Variants in DOK6 observed in about 807,000 individuals in gnomAD.
DOK6 encodes docking protein 6.
Under a neutral mutation model 44.0 loss-of-function variants are expected in DOK6, and 22 were observed. The observed-to-expected ratio is 0.50, with a 90% CI of 0.36 to 0.71. The LOEUF (loss-of-function observed/expected upper bound fraction) is 0.71, where lower values mean the gene tolerates loss of function less well. DOK6 is among the 30% of genes least tolerant of loss of function. The pLI is 0.00. For missense variants in DOK6, 340 were observed against 416.4 expected (o/e 0.82, Z 1.60); for synonymous variants, 166 against 145.5 (o/e 1.14, Z -1.01).
At chr18:69,711,123 A>G (rs1599278066) in intron 5 of DOK6, among the ~76,000 whole-genome samples, 1 of 152,344 alleles carries the variant, frequency 6.6e-6, no homozygotes, top group East Asian at 1.9e-4. Context: ...GGCACCTGGA[A>G]CACCGGCTTT....
chr18:69,563,593 T>A (rs1243124585), intron 1 of DOK6, among the ~76,000 whole-genome samples: 2 of 134,884 alleles, frequency 1.5e-5, no homozygotes, highest in Admixed American at 1.8e-4. Flanking sequence ...TAGGTGGGAA[T>A]TGAACAATGA....
intron 5 of DOK6, among the ~76,000 whole-genome samples, chr18:69,734,042 TTC>T (rs1317744457): frequency 3.3e-5 from 5 of 152,120 alleles, no homozygotes; most frequent in Admixed American, 6.5e-5. Context: ...CCCTTCTCCT[TTC>T]TGAGTTTATG....
intron 2 of DOK6, among the ~76,000 whole-genome samples, chr18:69,569,271 T>C (rs1419138382): frequency 1.3e-5 from 2 of 151,932 alleles, no homozygotes; most frequent in East Asian, 1.9e-4. Flanking sequence ...AGAATGAGAG[T>C]GTGGCTGACA....
At chr18:69,639,369 C>T (rs921762421) in intron 3 of DOK6, among the ~76,000 whole-genome samples, 9 of 152,186 alleles carry the variant, frequency 5.9e-5, no homozygotes, top group Admixed American at 1.3e-4. Context: ...CAAGAGTCCA[C>T]ACTTGATAAG....
intron 1 of DOK6, among the ~76,000 whole-genome samples, chr18:69,489,614 A>G (rs1980679267): frequency 6.6e-6 from 1 of 152,210 alleles, no homozygotes; most frequent in African/African-American, 2.4e-5. Flanking sequence ...TCACATTGGC[A>G]TTACTATTTT....
intron 1 of DOK6, among the ~76,000 whole-genome samples, chr18:69,523,076 G>A (rs1214825221): frequency 1.3e-5 from 2 of 152,062 alleles, no homozygotes; most frequent in Non-Finnish European, 2.9e-5. Context: ...GGCTTCGCCA[G>A]GGGAACTTTG....
chr18:69,827,829 G>A (rs1298560534), intron 7 of DOK6, among the ~76,000 whole-genome samples: 2 of 151,774 alleles, frequency 1.3e-5, no homozygotes, highest in Non-Finnish European at 2.9e-5. Context: ...TATATATTGC[G>A]CAGAGAAGTC....
intron 3 of DOK6, among the ~76,000 whole-genome samples, chr18:69,668,397 T>A (rs1038798452): frequency 2.0e-5 from 3 of 152,234 alleles, no homozygotes; most frequent in Admixed American, 2.0e-4. Flanking sequence ...TTTTGTCACT[T>A]CTTTCATGCT....
Position 69,764,374 on chromosome 18 carries a change from TTGAATTGTAATC to T in DOK6, c.856+6514_856+6525del, listed in dbSNP as rs577046265. Among the ~76,000 whole-genome samples the T allele has an allele frequency of 8.4e-3, 1,272 of 152,308 alleles. 10 individuals carry two copies. The highest frequency in any genetic ancestry group is 0.021 in the South Asian group (101 of 4,822). ...TCTGTGTCCCCACCCAAATCTCATC[TTGAATTGTAATC>T]TGAATTGTAATCCCCACATGTTGGG... is the stretch of plus-strand genomic sequence containing the variant. On this transcript the variant is annotated intron_variant, in intron 7 of 7. Coordinates refer to ENST00000382713, the MANE Select transcript of DOK6 (RefSeq NM_152721.6).
chr18:69,551,228 A>C (rs900248450), intron 1 of DOK6, among the ~76,000 whole-genome samples: 1 of 152,204 alleles, frequency 6.6e-6, no homozygotes, highest in African/African-American at 2.4e-5. Context: ...GTCCGAGAAA[A>C]TAACACAGTT....
intron 1 of DOK6, among the ~76,000 whole-genome samples, chr18:69,459,907 T>C (rs1046094401): frequency 6.6e-6 from 1 of 152,242 alleles, no homozygotes; most frequent in Admixed American, 6.5e-5. Flanking sequence ...AACTACCTTC[T>C]TATTGTGTTA....
intron 7 of DOK6, among the ~76,000 whole-genome samples, chr18:69,766,404 A>C (rs1979718484): frequency 6.6e-6 from 1 of 152,166 alleles, no homozygotes; most frequent in Admixed American, 6.6e-5. Context: ...GAAAAGTCGA[A>C]ATTGTTTATT....
chr18:69,454,275 A>AG (rs1306087163), intron 1 of DOK6, among the ~76,000 whole-genome samples: 1 of 130,116 alleles, frequency 7.7e-6, no homozygotes, highest in Non-Finnish European at 1.6e-5. Context: ...TCTCAAAAGA[A>AG]GACATTTATG....
At chr18:69,756,158 A>C (rs573980073) in intron 6 of DOK6, among the ~76,000 whole-genome samples, 1 of 152,304 alleles carries the variant, frequency 6.6e-6, no homozygotes, top group Non-Finnish European at 1.5e-5. Context: ...TGGGTGGGTC[A>C]GAGGTTCCCC....
chr18:69,771,906 A>G (rs1301032039), intron 7 of DOK6, among the ~76,000 whole-genome samples: 1 of 151,994 alleles, frequency 6.6e-6, no homozygotes, highest in African/African-American at 2.4e-5. Context: ...ATACATCAAA[A>G]TGATGACAAA....
intron 1 of DOK6, among the ~76,000 whole-genome samples, chr18:69,415,440 A>G (rs1483918583): frequency 2.6e-5 from 4 of 152,114 alleles, no homozygotes; most frequent in Admixed American, 6.6e-5. Flanking sequence ...CATCAAGAAA[A>G]CAGATAAAGG....
chr18:69,677,583 A>C, intron 3 of DOK6, 151 bp from the exon 4 acceptor site: 1 of 1,302,442 alleles, frequency 7.7e-7, no homozygotes, highest in South Asian at 1.4e-5. Flanking sequence ...TTTGGGACTT[A>C]TTTTCACTTC....
chr18:69,718,285 C>T (rs1986928727), intron 5 of DOK6, among the ~76,000 whole-genome samples: 1 of 152,166 alleles, frequency 6.6e-6, no homozygotes, highest in African/African-American at 2.4e-5. Flanking sequence ...AGCTATTCTC[C>T]TTTCTCTTTC....
At chr18:69,502,810 T>G (rs767969135) in intron 1 of DOK6, among the ~76,000 whole-genome samples, 1 of 152,136 alleles carries the variant, frequency 6.6e-6, no homozygotes, top group Non-Finnish European at 1.5e-5. Flanking sequence ...CAAATAAGTT[T>G]TCATTACTGA....
Sources: gnomAD v4.1 joint callset for allele counts (sites outside exome capture counted in the v4.1 genomes callset) on GRCh38, gnomAD v4.1.1 for gene constraint, MANE v1.5 for transcripts, NCBI Gene and HGNC (gene_info 2026-07-23, HGNC 2026-07-21) for gene names.